The following PCDH11X variants were observed in gnomAD, a reference collection of about 807,000 sequenced individuals.
PCDH11X encodes protocadherin 11 X-linked, also known as protocadherin-11 X-linked.
A neutral mutation model predicts 53.3 loss-of-function variants in PCDH11X; 18 were observed. That is an observed-to-expected ratio of 0.34 (90% CI 0.23 to 0.50). The LOEUF (loss-of-function observed/expected upper bound fraction) is 0.50, where lower values mean the gene tolerates loss of function less well. PCDH11X is among the 20% of genes least tolerant of loss of function. The pLI, the probability that PCDH11X is intolerant of heterozygous loss-of-function variation, is 0.98. For synonymous variants in PCDH11X, 279 were observed against 393.3 expected (o/e 0.71, Z 3.44); for missense variants, 570 against 1,032.4 (o/e 0.55, Z 6.14).
chrX:91,998,625 A>C (rs1202532694), intron 6 of PCDH11X, among the ~76,000 whole-genome samples: 1 of 110,117 alleles, frequency 9.1e-6, no homozygotes, highest in African/African-American at 3.3e-5. Flanking sequence ...CTATATGTTA[A>C]CTCTAGTCTT....
At chrX:92,060,910 T>C in intron 6 of PCDH11X, among the ~76,000 whole-genome samples, 1 of 112,032 alleles carries the variant, frequency 8.9e-6, no homozygotes, top group East Asian at 2.8e-4. Flanking sequence ...GCCAAACCAC[T>C]TTCCAAAATT....
At chrX:92,617,768 T>C (rs1051333369) in intron 10 of PCDH11X, among the ~76,000 whole-genome samples, 7 of 111,319 alleles carry the variant, frequency 6.3e-5, no homozygotes, top group African/African-American at 2.3e-4. Flanking sequence ...ATTATGACTA[T>C]ATTTTATTCT....
At chrX:92,120,244 TCCG>T (rs1294344328) in intron 6 of PCDH11X, among the ~76,000 whole-genome samples, 1 of 97,637 alleles carries the variant, frequency 1.0e-5, no homozygotes, top group Non-Finnish European at 2.0e-5. Flanking sequence ...CACTGCAACC[TCCG>T]CCTCCTGGGT....
chrX:92,420,910 G>A (rs1260278875), intron 9 of PCDH11X, among the ~76,000 whole-genome samples: 1 of 110,558 alleles, frequency 9.0e-6, no homozygotes, highest in Non-Finnish European at 1.9e-5. Context: ...TTCTTCCTGA[G>A]ACTTCAAAGA....
At chrX:91,945,348 A>G (rs2147862540) in intron 6 of PCDH11X, among the ~76,000 whole-genome samples, 1 of 106,956 alleles carries the variant, frequency 9.3e-6, no homozygotes, top group Non-Finnish European at 1.9e-5. Flanking sequence ...CTGGCAGTCA[A>G]AACTGAAAGG....
intron 10 of PCDH11X, among the ~76,000 whole-genome samples, chrX:92,547,972 T>C (rs753121108): frequency 4.6e-5 from 5 of 109,880 alleles, no homozygotes; most frequent in African/African-American, 1.7e-4. Flanking sequence ...TTTATTCTAT[T>C]TTTGTAAAGT....
chrX:92,506,485 A>G (rs1386529840), intron 10 of PCDH11X, among the ~76,000 whole-genome samples: 11 of 103,609 alleles, frequency 1.1e-4, no homozygotes, highest in East Asian at 3.0e-4. Flanking sequence ...TTCTGCATCT[A>G]TTCAGATGAT....
chrX:91,878,799 A>G lies in PCDH11X; in HGVS notation c.2559A>G (p.Glu853=). The G allele has an allele frequency of 8.3e-7, 1 of 1,211,543 alleles. No individual in the cohort carries two copies. The highest frequency in any genetic ancestry group is 1.1e-6 in the Non-Finnish European group (1 of 895,470). The part of the protein sequence containing the change: ...KAAQKNKQNS[E]WATPNPENRQ... ...CTCAGAAAAACAAGCAGAATTCTGA[A>G]TGGGCTACCCCAAACCCAGAAAACA... The change falls in exon 6 of 11, where the codon GAA becomes GAG. Residue 853 remains glutamate (E), a synonymous_variant. Coordinates refer to ENST00000682573, the MANE Select transcript of PCDH11X (RefSeq NM_032968.5).
rs761864811 is a variant in PCDH11X, at chrX:91,843,587, T to C, written c.540+7543T>C. ...CCTGCCTCGGCCTCCTGAAATGTCA[T>C]GGTTACAGGCATGAGCCATCACACT... On this transcript the variant is annotated intron_variant, in intron 5 of 10. Coordinates refer to ENST00000682573, the MANE Select transcript of PCDH11X (RefSeq NM_032968.5). Among the ~76,000 whole-genome samples, 168 of 111,311 alleles carry C rather than the reference T, an allele frequency of 1.5e-3. 1 individual carries two copies. The highest frequency in any genetic ancestry group is 5.1e-3 in the African/African-American group (156 of 30,584).
rs899986921 is a variant in PCDH11X, at chrX:92,364,809, G to A, written c.3145-22926G>A. The stretch of plus-strand genomic sequence containing the variant: ...TTCCAGCTACTTGAGAGGCTGAGAC[G>A]GGGATTCCTTGAGTCCGGGCTGTAG... On this transcript the variant is annotated intron_variant, in intron 8 of 10. Coordinates refer to ENST00000682573, the MANE Select transcript of PCDH11X (RefSeq NM_032968.5). Among the ~76,000 whole-genome samples, 13 of 99,499 alleles carry A rather than the reference G, an allele frequency of 1.3e-4. No individual in the cohort carries two copies. In the East Asian group the frequency reaches 3.6e-3, roughly 28 times the overall value. 86.4% of individuals were successfully genotyped at this position (99,499 alleles called of 115,157 possible).
At chrX:92,233,630 G>GA (rs1011612267) in intron 7 of PCDH11X, among the ~76,000 whole-genome samples, 1 of 111,418 alleles carries the variant, frequency 9.0e-6, no homozygotes, top group Admixed American at 9.6e-5. Flanking sequence ...TTAGTTCACA[G>GA]AAAAAACAAT....
At chrX:92,257,514 T>G (rs1260968671) in intron 7 of PCDH11X, among the ~76,000 whole-genome samples, 4 of 112,112 alleles carry the variant, frequency 3.6e-5, no homozygotes, top group African/African-American at 1.3e-4. Flanking sequence ...CCCTTCTGTC[T>G]ATGACCCTGT....
At chrX:91,854,278 C>T (rs1315944990) in intron 5 of PCDH11X, among the ~76,000 whole-genome samples, 1 of 111,780 alleles carries the variant, frequency 8.9e-6, no homozygotes, top group African/African-American at 3.3e-5. Context: ...CTGTGCCTGG[C>T]CTACTTCAAT....
At chrX:92,261,240 A>G (rs2067709118) in intron 7 of PCDH11X, among the ~76,000 whole-genome samples, 1 of 111,565 alleles carries the variant, frequency 9.0e-6, no homozygotes, top group African/African-American at 3.3e-5. Context: ...GGTGTGGATA[A>G]GTGTAAAGAC....
chrX:91,823,099 T>G (rs1261834992), intron 4 of PCDH11X, among the ~76,000 whole-genome samples: 1 of 108,788 alleles, frequency 9.2e-6, no homozygotes. Flanking sequence ...TCCAAGTATG[T>G]GGTCAATTTT....
At chrX:92,364,579 C>A (rs2070420580) in intron 8 of PCDH11X, among the ~76,000 whole-genome samples, 1 of 110,512 alleles carries the variant, frequency 9.0e-6, no homozygotes, top group African/African-American at 3.3e-5. Context: ...TAAACATGTA[C>A]CAGGCTAATA....
intron 6 of PCDH11X, among the ~76,000 whole-genome samples, chrX:91,913,652 C>T (rs951522605): frequency 6.3e-5 from 7 of 111,580 alleles, no homozygotes; most frequent in African/African-American, 9.8e-5. Flanking sequence ...AACACAGAAA[C>T]TCATGGGAGC....
intron 8 of PCDH11X, among the ~76,000 whole-genome samples, chrX:92,275,279 G>GA (rs1264418806): frequency 1.9e-5 from 2 of 103,778 alleles, no homozygotes; most frequent in African/African-American, 6.9e-5. Context: ...GGAAGGAAAG[G>GA]GTTGTTCTTT....
At chrX:92,068,464 G>T (rs1336689311) in intron 6 of PCDH11X, among the ~76,000 whole-genome samples, 1 of 108,319 alleles carries the variant, frequency 9.2e-6, no homozygotes, top group Non-Finnish European at 1.9e-5. Context: ...GTTTCCATGT[G>T]TTTTTATAGC....
Sources: gnomAD v4.1 joint callset for allele counts (sites outside exome capture counted in the v4.1 genomes callset) on GRCh38, gnomAD v4.1.1 for gene constraint, MANE v1.5 for transcripts, NCBI Gene and HGNC (gene_info 2026-07-23, HGNC 2026-07-21) for gene names.